The following CASD1 variants were observed in gnomAD, a reference collection of about 807,000 sequenced individuals.
CASD1 encodes CAS1 domain sialic acid O acetyltransferase 1, also known as N-acetylneuraminate (7)9-O-acetyltransferase.
Under a neutral mutation model 100.0 loss-of-function variants are expected in CASD1, and 41 were observed. The observed-to-expected ratio is 0.41, with a 90% CI of 0.32 to 0.53. The LOEUF (loss-of-function observed/expected upper bound fraction) is 0.53. Among genes scored for constraint, CASD1 ranks in the 20% least tolerant of loss-of-function variants. The pLI is 0.25. For missense variants in CASD1, 774 were observed against 948.7 expected, an observed-to-expected ratio of 0.82 and a Z score of 2.42; for synonymous variants, 321 against 315.6, an observed-to-expected ratio of 1.02 and a Z score of -0.18.
At chr7:94,597,882 G>A in the CASD1 span, 70 of 153,738 alleles carry the variant, frequency 4.6e-4, no homozygotes, top group Middle Eastern at 9.8e-3. Context: ...GGGCAGGTGC[G>A]TATAATCCGA....
chr7:94,524,165 A>G (rs1794426834), intron 3 of CASD1: 1 of 151,326 alleles, frequency 6.6e-6, no homozygotes, highest in South Asian at 2.1e-4. Flanking sequence ...ATAAGGAACA[A>G]AAAGTGCTAA....
intron 5 of CASD1, among the ~76,000 whole-genome samples, chr7:94,529,684 A>T (rs186202015): frequency 6.6e-6 from 1 of 152,286 alleles, no homozygotes; most frequent in Non-Finnish European, 1.5e-5. Flanking sequence ...CTCCAGTCTC[A>T]GCCCTCAAGG....
At chr7:94,582,204 A>G in the CASD1 span, among the ~76,000 whole-genome samples, 24 of 152,206 alleles carry the variant, frequency 1.6e-4, no homozygotes, top group Non-Finnish European at 2.5e-4. Context: ...TGCAACTTCC[A>G]TCTCCAGAGT....
At chr7:94,571,905 A>G in the CASD1 span, among the ~76,000 whole-genome samples, 1 of 152,102 alleles carries the variant, frequency 6.6e-6, no homozygotes, top group South Asian at 2.1e-4. Flanking sequence ...ATGAAGTTGT[A>G]TAAATGACAT....
chr7:94,509,982 G>A lies in CASD1; in HGVS notation c.-103G>A. 2 of 1,241,178 alleles carry A rather than the reference G, an allele frequency of 1.6e-6. No homozygotes were observed. Among genetic ancestry groups the A allele is most frequent in the Non-Finnish European group, 2.0e-6 (2 of 983,200 alleles). The allele number at this position is 1,241,178 out of a possible 1,614,324, so 76.9% of individuals were successfully genotyped here. On this transcript the variant is annotated 5_prime_UTR_variant, in exon 1 of 18. Coordinates refer to ENST00000297273, the MANE Select transcript of CASD1 (RefSeq NM_022900.5). ...GCGCAGGTGGCGGCCTGGGGAGCTG[G>A]CGGCCGCTCCTCGCCTGGCTGCAGC...
At chr7:94,625,214 T>C in the CASD1 span, 1 of 151,998 alleles carries the variant, frequency 6.6e-6, no homozygotes, top group South Asian at 2.1e-4. Flanking sequence ...AGTAGACTTA[T>C]ATGATTAAAT....
At chr7:94,588,762 CTG>C in the CASD1 span, 1 of 1,613,194 alleles carries the variant, frequency 6.2e-7, no homozygotes. Flanking sequence ...TTGAGTAAAA[CTG>C]TTTGTTTACA....
chr7:94,566,424 G>A, the CASD1 span, among the ~76,000 whole-genome samples: 1 of 151,418 alleles, frequency 6.6e-6, no homozygotes, highest in Non-Finnish European at 1.5e-5. Flanking sequence ...ATATTTCTTA[G>A]TCAAAAGAAA....
intron 17 of CASD1, among the ~76,000 whole-genome samples, chr7:94,555,068 T>G (rs747207876): frequency 6.6e-6 from 1 of 152,140 alleles, no homozygotes; most frequent in Non-Finnish European, 1.5e-5. Flanking sequence ...AATATGAAAT[T>G]ATCTACAAAA....
At chr7:94,583,215 A>G in the CASD1 span, among the ~76,000 whole-genome samples, 1 of 152,194 alleles carries the variant, frequency 6.6e-6, no homozygotes, top group Non-Finnish European at 1.5e-5. Flanking sequence ...CTTTTCTGTC[A>G]TCAGTGTAGA....
chr7:94,570,383 G>C, the CASD1 span, among the ~76,000 whole-genome samples: 72 of 152,142 alleles, frequency 4.7e-4, no homozygotes, highest in African/African-American at 1.7e-3. Context: ...AACTGCAATA[G>C]CATACAAAAT....
Position 94,555,689 on chromosome 7 carries a change from GGCATGTATA to G in CASD1, c.2328_2336del (p.Cys777_Ala779del). 1 of 1,613,170 alleles carries G rather than the reference GGCATGTATA, an allele frequency of 6.2e-7. No individual in the cohort carries two copies. The highest frequency in any genetic ancestry group is 8.5e-7 in the Non-Finnish European group (1 of 1,179,510). ...ATAACTCATCTCTCTTGAAAAGGTT[GGCATGTATA>G]GCTGCATTTTTTTGTGGACTCCTCA... On this transcript the variant is annotated inframe_deletion, in exon 18 of 18. Transcript: ENST00000297273.
downstream of CASD1, among the ~76,000 whole-genome samples, chr7:94,561,877 T>C (rs889830678): frequency 2.0e-5 from 3 of 152,184 alleles, no homozygotes; most frequent in Non-Finnish European, 4.4e-5. Flanking sequence ...TACTTTAGAA[T>C]GTACCTGAGA....
At chr7:94,540,868 G>C (rs1443114360) in intron 10 of CASD1, among the ~76,000 whole-genome samples, 3 of 152,048 alleles carry the variant, frequency 2.0e-5, no homozygotes, top group Non-Finnish European at 4.4e-5. Flanking sequence ...ATTAAAGGGT[G>C]ATACTACTGT....
chr7:94,513,707 T>G (rs760777962), intron 1 of CASD1, among the ~76,000 whole-genome samples: 12 of 152,218 alleles, frequency 7.9e-5, no homozygotes, highest in Non-Finnish European at 1.6e-4. Flanking sequence ...AGTATCTTAC[T>G]CATCTTTAAA....
intron 1 of CASD1, among the ~76,000 whole-genome samples, chr7:94,514,371 T>G (rs1054338391): frequency 6.6e-6 from 1 of 152,174 alleles, no homozygotes; most frequent in African/African-American, 2.4e-5. Context: ...TATAACTTGC[T>G]GTATCTTAGG....
the CASD1 span, among the ~76,000 whole-genome samples, chr7:94,602,980 T>C: frequency 6.6e-6 from 1 of 152,202 alleles, no homozygotes. Flanking sequence ...TTTCTGCACA[T>C]ATCATACTAA....
At chr7:94,610,353 G>C in the CASD1 span, among the ~76,000 whole-genome samples, 1 of 152,166 alleles carries the variant, frequency 6.6e-6, no homozygotes, top group Non-Finnish European at 1.5e-5. Context: ...GTAAGGTAGG[G>C]ACTTTGGGTG....
intron 10 of CASD1, among the ~76,000 whole-genome samples, chr7:94,543,594 G>T (rs1166320060): frequency 6.6e-6 from 1 of 151,898 alleles, no homozygotes; most frequent in Non-Finnish European, 1.5e-5. Context: ...GGTGGAGGTT[G>T]CAGTGAGCCG....
Sources: gnomAD v4.1 joint callset for allele counts (sites outside exome capture counted in the v4.1 genomes callset) on GRCh38, gnomAD v4.1.1 for gene constraint, MANE v1.5 for transcripts, NCBI Gene and HGNC (gene_info 2026-07-23, HGNC 2026-07-21) for gene names.